ITPK1: variants seen among roughly 807,000 people sequenced by gnomAD.
ITPK1 encodes the protein inositol-tetrakisphosphate 1-kinase, also known as inositol 1,3,4-trisphosphate 5/6-kinase.
A neutral mutation model predicts 45.3 loss-of-function variants in ITPK1; 21 were observed. The ratio of observed to expected loss-of-function variants is 0.46; its 90% CI spans 0.33 to 0.67. The LOEUF is 0.67. ITPK1 is among the 30% of genes least tolerant of loss of function. The probability of loss-of-function intolerance (pLI) is 0.02; values close to 1 mark genes in which losing one functional copy is unlikely to be tolerated. For synonymous variants in ITPK1, 258 were observed against 253.6 expected (o/e 1.02, Z -0.16); for missense variants, 474 against 573.5 (o/e 0.83, Z 1.77).
chr14:93,067,920 A>C (rs1329572873), intron 3 of ITPK1: 2 of 153,578 alleles, frequency 1.3e-5, no homozygotes, highest in Admixed American at 1.3e-4. Flanking sequence ...TTTTAAAAAA[A>C]CCATAAAATC....
At chr14:93,042,658 G>A (rs139053443) in intron 3 of ITPK1, among the ~76,000 whole-genome samples, 1,573 of 152,256 alleles carry the variant, frequency 0.01, 16 homozygotes, top group Middle Eastern at 0.024. Flanking sequence ...TGGCTGCAGC[G>A]CTCAGAGGGA....
chr14:93,081,010 T>C (rs1253163334), intron 2 of ITPK1, among the ~76,000 whole-genome samples: 1 of 149,266 alleles, frequency 6.7e-6, no homozygotes, highest in African/African-American at 2.5e-5. Context: ...GCACCCAGCC[T>C]ACAATTTAAT....
In ITPK1 at chr14:92,993,935, C is replaced by T. The variant is rs751565579; in HGVS notation, c.309G>A (p.Leu103=). Residue 103 remains leucine (L), a synonymous_variant, in exon 5 of 11, where the codon CTG becomes CTA. Transcript: ENST00000267615. ...GCTCATAGGACTTGGAGCGGTCAAG[C>T]AGGGTTCTGATGGCAGGGAGCGGGT... ...VLDPLPAIRT[L]LDRSKSYELI... 5 of 1,613,940 alleles carry T rather than the reference C, an allele frequency of 3.1e-6. No individual in the cohort carries two copies. The East Asian group carries it at 8.9e-5, about 29-fold the overall frequency.
intron 3 of ITPK1, among the ~76,000 whole-genome samples, chr14:93,072,439 AG>A (rs1230507257): frequency 1.3e-5 from 2 of 152,120 alleles, no homozygotes; most frequent in African/African-American, 4.8e-5. Context: ...AGAATAAGAC[AG>A]GGTTTATCAA....
At chr14:92,962,965 G>A in intron 5 of ITPK1, 116 bp from the exon 6 acceptor site, 2 of 632,596 alleles carry the variant, frequency 3.2e-6, no homozygotes, top group Non-Finnish European at 5.5e-6. Context: ...TCCTGGATCT[G>A]ACCGTCCCCA....
chr14:92,983,812 AGTTT>A (rs916539696), intron 5 of ITPK1, among the ~76,000 whole-genome samples: 2 of 144,690 alleles, frequency 1.4e-5, no homozygotes, highest in African/African-American at 5.3e-5. Flanking sequence ...ACTGCAGCCC[AGTTT>A]GTTTAAAAAA....
chr14:93,109,048 C>T (rs1001109338), intron 2 of ITPK1, among the ~76,000 whole-genome samples: 2 of 152,160 alleles, frequency 1.3e-5, no homozygotes, highest in Admixed American at 6.5e-5. Context: ...AAGTAAAATG[C>T]CTGTGCCCTC....
intron 5 of ITPK1, among the ~76,000 whole-genome samples, chr14:92,982,260 G>A (rs1260326719): frequency 6.6e-6 from 1 of 152,222 alleles, no homozygotes; most frequent in Non-Finnish European, 1.5e-5. Context: ...CATGCATGAT[G>A]GATGGGTTCT....
At chr14:93,112,205 T>C (rs1001318085) in intron 2 of ITPK1, among the ~76,000 whole-genome samples, 2 of 152,054 alleles carry the variant, frequency 1.3e-5, no homozygotes, top group African/African-American at 2.4e-5. Context: ...AATCTCAAGG[T>C]AGCCAGGTTG....
chr14:93,078,038 C>A (rs943904162), intron 2 of ITPK1, among the ~76,000 whole-genome samples: 1 of 152,072 alleles, frequency 6.6e-6, no homozygotes, highest in East Asian at 1.9e-4. Flanking sequence ...TATGTGTGCC[C>A]GTGCCCAATT....
At chr14:92,994,038 G>A (rs371972247) in intron 4 of ITPK1, 41 bp from the exon 5 acceptor site, 1 of 1,361,436 alleles carries the variant, frequency 7.3e-7, no homozygotes, top group Non-Finnish European at 1.1e-6. Context: ...GCAGGGGTAG[G>A]GCCAGGTAGC....
At chr14:93,009,219 G>A (rs1887770280) in intron 4 of ITPK1, among the ~76,000 whole-genome samples, 1 of 152,208 alleles carries the variant, frequency 6.6e-6, no homozygotes, top group South Asian at 2.1e-4. Flanking sequence ...AAGAAACCCA[G>A]AAATAATGTG....
intron 3 of ITPK1, among the ~76,000 whole-genome samples, chr14:93,025,425 T>C (rs1433368921): frequency 6.6e-6 from 1 of 152,266 alleles, no homozygotes; most frequent in East Asian, 1.9e-4. Flanking sequence ...CTCCCTAGAC[T>C]GTTTTTTAAA....
At chr14:92,980,768 C>T (rs914765459) in intron 5 of ITPK1, among the ~76,000 whole-genome samples, 1 of 152,200 alleles carries the variant, frequency 6.6e-6, no homozygotes, top group Non-Finnish European at 1.5e-5. Context: ...CTCCGCCTCC[C>T]AGGTTCAAGC....
At chr14:93,072,736 C>T (rs1891073103) in intron 3 of ITPK1, among the ~76,000 whole-genome samples, 1 of 151,848 alleles carries the variant, frequency 6.6e-6, no homozygotes, top group Non-Finnish European at 1.5e-5. Context: ...CACCTCAGCC[C>T]CAAGCGGTCA....
intron 2 of ITPK1, among the ~76,000 whole-genome samples, chr14:93,082,444 C>G (rs911366657): frequency 3.3e-5 from 5 of 151,848 alleles, no homozygotes; most frequent in African/African-American, 1.2e-4. Flanking sequence ...GAACCAGACC[C>G]CCCTGTACCT....
intron 4 of ITPK1, among the ~76,000 whole-genome samples, chr14:93,010,826 G>A (rs1172231807): frequency 6.6e-6 from 1 of 152,098 alleles, no homozygotes; most frequent in East Asian, 1.9e-4. Flanking sequence ...CTCACAGTAA[G>A]CGTGGCTGAC....
At chr14:92,997,945 T>C (rs1444091964) in intron 4 of ITPK1, among the ~76,000 whole-genome samples, 1 of 152,180 alleles carries the variant, frequency 6.6e-6, no homozygotes, top group Admixed American at 6.5e-5. Context: ...ACTGAGAATC[T>C]GAGCAGAATG....
At position 92,953,618 on chromosome 14, in the gene ITPK1, T is replaced by C. The variant is rs146013980; in HGVS notation, c.671-1605A>G. 5.0e-3 allele frequency among the ~76,000 whole-genome samples: 755 copies of C among 152,276 alleles called. 8 individuals are homozygous for C. The highest frequency in any genetic ancestry group is 0.018 in the African/African-American group (730 of 41,552). On this transcript the variant is annotated intron_variant, in intron 8 of 10. Coordinates refer to ENST00000267615, the MANE Select transcript of ITPK1 (RefSeq NM_014216.6). ...TTTCCCTGTAGATCCTGAATAGCAG[T>C]TGCCGAATGGCGGAGAAGGCCCAGG...
Sources: allele counts gnomAD v4.1 joint callset (sites outside exome capture counted in the v4.1 genomes callset), GRCh38; gene constraint gnomAD v4.1.1; transcripts MANE v1.5; gene names NCBI Gene and HGNC (gene_info 2026-07-23, HGNC 2026-07-21).